Variants in UTRN observed in about 807,000 individuals in gnomAD.
UTRN encodes the protein dystrophin-related protein 1.
Under a neutral mutation model 463.9 loss-of-function variants are expected in UTRN, and 283 were observed. The observed-to-expected ratio is 0.61, with a 90% CI of 0.55 to 0.67. The LOEUF (loss-of-function observed/expected upper bound fraction) is 0.67. Among genes scored for constraint, UTRN ranks in the 30% least tolerant of loss-of-function variants. UTRN has a pLI of 0.00. For missense variants in UTRN, 3,922 were observed against 4,084.3 expected (o/e 0.96, Z 1.08); for synonymous variants, 1,442 against 1,431.5 (o/e 1.01, Z -0.17).
At chr6:144,800,605 T>C (rs1777616938) in intron 64 of UTRN, among the ~76,000 whole-genome samples, 2 of 152,202 alleles carry the variant, frequency 1.3e-5, no homozygotes. Flanking sequence ...ATACTTGGCC[T>C]GCTTGAACCT....
chr6:144,751,935 C>T lies in UTRN; in HGVS notation c.8338C>T (p.Arg2780Ter), dbSNP rs748214227. 4 of 1,608,036 alleles carry T rather than the reference C, an allele frequency of 2.5e-6. No individual in the cohort carries two copies. The highest frequency in any genetic ancestry group is 2.2e-5 in the East Asian group (1 of 44,472). The change falls in exon 56 of 75, where the codon CGA becomes TGA. Residue 2780 changes from arginine (R) to a stop codon, truncating the protein, a stop_gained. Transcript: ENST00000367545. LOFTEE classifies it high-confidence loss of function. The part of the protein sequence containing the change: ...MSRQLDDLNM[R>*]WKLLQVSVDD... ...TCGCCAGCTAGATGACCTTAATATG[C>T]GATGGAAACTTTTACAGGTATCAGC...
chr6:144,521,489 A>C (rs1796088028), intron 39 of UTRN, among the ~76,000 whole-genome samples: 1 of 152,218 alleles, frequency 6.6e-6, no homozygotes, highest in Non-Finnish European at 1.5e-5. Flanking sequence ...CCTGGATATT[A>C]CTTTAATCAA....
At chr6:144,579,535 TTTATCTTAGGA>T (rs771745536) in intron 51 of UTRN, among the ~76,000 whole-genome samples, 72 of 152,272 alleles carry the variant, frequency 4.7e-4, no homozygotes, top group Non-Finnish European at 9.4e-4. Context: ...TCTGACATAT[TTTATCTTAGGA>T]TATATTCTTA....
chr6:144,765,890 T>C (rs1349014470), intron 58 of UTRN, among the ~76,000 whole-genome samples: 1 of 152,136 alleles, frequency 6.6e-6, no homozygotes, highest in African/African-American at 2.4e-5. Context: ...ACAGAATTTT[T>C]TTTTTCTTGA....
intron 52 of UTRN, among the ~76,000 whole-genome samples, chr6:144,695,471 G>C (rs901727609): frequency 1.1e-4 from 16 of 151,338 alleles, no homozygotes; most frequent in African/African-American, 3.9e-4. Context: ...AGCCTCCCAA[G>C]TAGCTGGGAT....
At chr6:144,740,790 T>C (rs1789970265) in intron 54 of UTRN, among the ~76,000 whole-genome samples, 1 of 152,222 alleles carries the variant, frequency 6.6e-6, no homozygotes, top group Non-Finnish European at 1.5e-5. Context: ...TAAAATCTCA[T>C]TTAAATAAAC....
At chr6:144,296,966 G>A (rs566619308) in intron 2 of UTRN, among the ~76,000 whole-genome samples, 5 of 152,282 alleles carry the variant, frequency 3.3e-5, no homozygotes, top group Admixed American at 3.3e-4. Context: ...TAGCAAAGGG[G>A]AAAATACCAG....
At chr6:144,726,825 TTACTC>T (rs1398552439) in intron 53 of UTRN, among the ~76,000 whole-genome samples, 2 of 151,952 alleles carry the variant, frequency 1.3e-5, no homozygotes, top group African/African-American at 4.8e-5. Flanking sequence ...GCCAAAGAGA[TTACTC>T]TATTGTGAGA....
intron 23 of UTRN, among the ~76,000 whole-genome samples, chr6:144,471,076 G>A (rs1297956971): frequency 5.9e-5 from 6 of 101,526 alleles, no homozygotes; most frequent in African/African-American, 2.3e-4. Context: ...GGGAGGGGGC[G>A]AGGGAGGGGG....
chr6:144,544,618 G>A (rs775951778), intron 46 of UTRN, among the ~76,000 whole-genome samples: 3 of 151,908 alleles, frequency 2.0e-5, no homozygotes, highest in Non-Finnish European at 4.4e-5. Context: ...AGCACTCAGC[G>A]CTAAGAGACA....
chr6:144,701,944 G>GATA (rs755969851), intron 53 of UTRN, among the ~76,000 whole-genome samples: 4 of 152,026 alleles, frequency 2.6e-5, no homozygotes, highest in South Asian at 2.1e-4. Flanking sequence ...TGATATGCAA[G>GATA]ATAATAATAA....
chr6:144,579,527 T>C (rs888813491), intron 51 of UTRN, among the ~76,000 whole-genome samples: 54 of 152,286 alleles, frequency 3.5e-4, no homozygotes, highest in African/African-American at 1.3e-3. Flanking sequence ...TGATGTCTTC[T>C]GACATATTTT....
chr6:144,726,534 C>T (rs1562823756), intron 53 of UTRN, among the ~76,000 whole-genome samples: 1 of 152,082 alleles, frequency 6.6e-6, no homozygotes, highest in Non-Finnish European at 1.5e-5. Context: ...AGAAAAAGTC[C>T]CTGGTCTAGT....
At chr6:144,382,562 C>T (rs181934945) in intron 2 of UTRN, among the ~76,000 whole-genome samples, 65 of 152,184 alleles carry the variant, frequency 4.3e-4, no homozygotes, top group African/African-American at 1.4e-3. Context: ...TGGCTCTTGC[C>T]GCATGCTGAT....
intron 3 of UTRN, among the ~76,000 whole-genome samples, chr6:144,412,153 A>T (rs993274878): frequency 6.6e-6 from 1 of 152,144 alleles, no homozygotes; most frequent in Non-Finnish European, 1.5e-5. Flanking sequence ...ACCTAATTTT[A>T]TCATTTTGCT....
chr6:144,434,806 C>T (rs1786372883), intron 9 of UTRN, among the ~76,000 whole-genome samples: 1 of 152,182 alleles, frequency 6.6e-6, no homozygotes, highest in South Asian at 2.1e-4. Context: ...AGCAGGGAAA[C>T]AAGCTTCTGA....
Position 144,803,086 on chromosome 6 carries a change from T to C in UTRN, c.9296T>C (p.Phe3099Ser). The C allele has an allele frequency of 6.3e-7, 1 of 1,597,742 alleles. No homozygotes were observed. The highest frequency in any genetic ancestry group is 1.7e-5 in the Admixed American group (1 of 57,190). Reference protein sequence around the residue: ...FNYDVCQSCFFSGRTAKGHKL... With the variant: ...FNYDVCQSCFSSGRTAKGHKL... ...TATGATGTCTGCCAGAGTTGTTTCT[T>C]TTCGGGTCGAACAGCAAAAGGTCAC... Residue 3099 changes from phenylalanine (F) to serine (S), a missense_variant, in exon 65 of 75, where the codon TTT (phenylalanine) becomes TCT (serine). Physicochemically the swap from Phe to Ser is radical, Grantham distance 155 (BLOSUM62 -2). Around this residue, in one of 3 missense-constraint regions of UTRN, gnomAD observed 1,309 missense variants for 1,452.6 expected, o/e 0.90. Transcript: ENST00000367545.
intron 4 of UTRN, among the ~76,000 whole-genome samples, chr6:144,422,461 C>CA (rs1170194372): frequency 6.6e-6 from 1 of 152,064 alleles, no homozygotes; most frequent in Non-Finnish European, 1.5e-5. Context: ...TACTAAAATA[C>CA]AAAAAATTAG....
chr6:144,708,293 C>A (rs1562797062), intron 53 of UTRN: 1 of 664,252 alleles, frequency 1.5e-6, no homozygotes, highest in South Asian at 1.4e-5. Flanking sequence ...AGTACTGATT[C>A]TTTTACAAGA....
Sources: gnomAD v4.1 joint callset for allele counts (sites outside exome capture counted in the v4.1 genomes callset) on GRCh38, gnomAD v4.1.1 for gene constraint, gnomAD v4.1.1 regional missense constraint, MANE v1.5 for transcripts, NCBI Gene and HGNC (gene_info 2026-07-23, HGNC 2026-07-21) for gene names.